The following USP39 variants were observed in gnomAD, a reference collection of about 807,000 sequenced individuals.
USP39 encodes the protein ubiquitin carboxyl-terminal hydrolase 39.
A neutral mutation model predicts 66.4 loss-of-function variants in USP39; 38 were observed. That is an observed-to-expected ratio of 0.57 (90% CI 0.44 to 0.75). The LOEUF is 0.75. USP39 is among the 30% of genes least tolerant of loss of function. The pLI, the probability that USP39 is intolerant of heterozygous loss-of-function variation, is 0.00. For missense variants in USP39, 608 were observed against 714.4 expected (o/e 0.85, Z 1.70); for synonymous variants, 303 against 274.6 (o/e 1.10, Z -1.02).
intron 9 of USP39, among the ~76,000 whole-genome samples, chr2:85,640,639 T>C (rs1054412548): frequency 6.7e-6 from 1 of 150,084 alleles, no homozygotes; most frequent in Non-Finnish European, 1.5e-5. Flanking sequence ...TCTTTTTTTT[T>C]CTTTTTCCTT....
chr2:85,623,007 AAT>A (rs1674579864), intron 3 of USP39, among the ~76,000 whole-genome samples: 1 of 152,174 alleles, frequency 6.6e-6, no homozygotes, highest in Non-Finnish European at 1.5e-5. Flanking sequence ...ACGGAGTAAA[AAT>A]AAGTGCAATA....
At chr2:85,607,696 G>A (rs1673267933), upstream of USP39, 7 of 152,206 alleles carry the variant, frequency 4.6e-5, no homozygotes, top group Admixed American at 3.9e-4. Context: ...GAAACCCCTG[G>A]GGCAAGGGCC....
chr2:85,603,595 C>CTT (rs767019412), intron 1 of USP39, among the ~76,000 whole-genome samples: 7 of 143,100 alleles, frequency 4.9e-5, no homozygotes, highest in South Asian at 2.2e-4. Context: ...TTTTCTTTTT[C>CTT]TTTTTTTTTT....
chr2:85,637,255 CTG>C (rs1022232369), intron 7 of USP39, 112 bp from the exon 8 acceptor site: 3 of 1,084,106 alleles, frequency 2.8e-6, no homozygotes, highest in Middle Eastern at 2.0e-4. Flanking sequence ...AGTGAGAGCT[CTG>C]TGTCTTTTGC....
chr2:85,639,470 T>TTC, intron 9 of USP39, 79 bp downstream of exon 9: 5 of 1,352,204 alleles, frequency 3.7e-6, no homozygotes, highest in Non-Finnish European at 5.0e-6. Flanking sequence ...TTTTTTTTTT[T>TTC]CAAGACAGAG....
chr2:85,620,926 A>G (rs1000358), intron 2 of USP39, among the ~76,000 whole-genome samples: 1,784 of 152,026 alleles, frequency 0.012, 36 homozygotes, highest in African/African-American at 0.041. Flanking sequence ...GTCTGTTTAT[A>G]GGTATTCTGA....
intron 3 of USP39, among the ~76,000 whole-genome samples, chr2:85,622,698 A>G (rs1674556965): frequency 6.6e-6 from 1 of 150,600 alleles, no homozygotes; most frequent in Non-Finnish European, 1.5e-5. Flanking sequence ...TATCATTTCA[A>G]CTCATTCACA....
At chr2:85,647,682 CAACA>C (rs981935146) in intron 11 of USP39, among the ~76,000 whole-genome samples, 1 of 148,106 alleles carries the variant, frequency 6.8e-6, no homozygotes, top group African/African-American at 2.5e-5. Flanking sequence ...AACAAAAAAA[CAACA>C]AACAAAAAAC....
intron 9 of USP39, among the ~76,000 whole-genome samples, chr2:85,640,619 ATTTTTTTTTTC>A (rs1242235113): frequency 1.6e-5 from 2 of 123,238 alleles, no homozygotes; most frequent in African/African-American, 6.2e-5. Context: ...ATATATATAT[ATTTTTTTTTTC>A]TTTTTTTTTC....
Position 85,623,799 on chromosome 2 carries a change from G to GT in USP39, c.570+19dup, listed in dbSNP as rs758728464. 1.2e-6 allele frequency: 2 copies of GT among 1,603,682 alleles called. No individual in the cohort carries two copies. Among genetic ancestry groups the GT allele is most frequent in the Non-Finnish European group, 1.7e-6 (2 of 1,175,146 alleles). ...GATATCACGGTGTGTGTCTAAGAGG[G>GT]TTGGTTTGGGGTCCATTCTTTAATG... On this transcript the variant is annotated intron_variant, in intron 4 of 12. Coordinates refer to ENST00000323701, the MANE Select transcript of USP39 (RefSeq NM_006590.4).
At position 85,616,332 on chromosome 2, in the gene USP39, G is replaced by A; in HGVS notation, c.137G>A (p.Ser46Asn). Reference sequence around the variant, plus strand: ...CCTGAGGCGGCGAGCTCCCGGGGCAGCCCTGTGCGCGTGAAGCGGGAGTTC... The same window carrying A: ...CCTGAGGCGGCGAGCTCCCGGGGCAACCCTGTGCGCGTGAAGCGGGAGTTC... The part of the protein sequence containing the change: ...REPEAASSRG[S>N]PVRVKREFEP... The change falls in exon 1 of 13, where the codon AGC (serine) becomes AAC (asparagine). Residue 46 changes from serine (S) to asparagine (N), a missense_variant. Transcript: ENST00000323701. The A allele has an allele frequency of 6.2e-7, 1 of 1,600,650 alleles. No homozygotes were observed. Among genetic ancestry groups the A allele is most frequent in the Non-Finnish European group, 8.5e-7 (1 of 1,173,750 alleles).
chr2:85,631,700 C>T (rs1675352087), intron 6 of USP39, among the ~76,000 whole-genome samples: 1 of 152,084 alleles, frequency 6.6e-6, no homozygotes, highest in African/African-American at 2.4e-5. Flanking sequence ...TTCATTCTTT[C>T]GTGTCCCACA....
intron 3 of USP39, among the ~76,000 whole-genome samples, chr2:85,622,869 C>G (rs532629930): frequency 6.6e-6 from 1 of 151,962 alleles, no homozygotes; most frequent in South Asian, 2.1e-4. Flanking sequence ...ATAGCAAGAC[C>G]CTGTCTCAAA....
In USP39 at chr2:85,625,589, G is replaced by C; in HGVS notation, c.621G>C (p.Lys207Asn). 1.9e-6 allele frequency: 3 copies of C among 1,614,148 alleles called. No homozygotes were observed. Among genetic ancestry groups the C allele is most frequent in the Non-Finnish European group, 2.5e-6 (3 of 1,179,990 alleles). ...FTKQQIANLD[K>N]QAKLSRAYDG... Reference sequence around the variant, plus strand: ...AGCAGCAAATTGCAAACTTGGACAAGCAAGCCAAATTGTCCCGGGCATATG... The same window carrying C: ...AGCAGCAAATTGCAAACTTGGACAACCAAGCCAAATTGTCCCGGGCATATG... The change falls in exon 5 of 13, where the codon AAG (lysine) becomes AAC (asparagine). Residue 207 changes from lysine to asparagine, a missense_variant. Coordinates refer to ENST00000323701, the MANE Select transcript of USP39 (RefSeq NM_006590.4).
chr2:85,632,849 G>C (rs147520256), intron 6 of USP39, among the ~76,000 whole-genome samples: 38 of 152,278 alleles, frequency 2.5e-4, no homozygotes, highest in African/African-American at 8.9e-4. Context: ...GTGGGAGGTA[G>C]ATCAGAGATC....
At chr2:85,609,031 C>A (rs1268477131), upstream of USP39, 4 of 1,614,204 alleles carry the variant, frequency 2.5e-6, no homozygotes, top group Admixed American at 5.0e-5. Context: ...GGCGTGTGTG[C>A]CGACACCTTC....
chr2:85,629,341 G>T (rs72846619), intron 5 of USP39, among the ~76,000 whole-genome samples: 1 of 150,674 alleles, frequency 6.6e-6, no homozygotes, highest in Non-Finnish European at 1.5e-5. Flanking sequence ...GATTATAGAC[G>T]TGAACCATCG....
chr2:85,626,456 AACAGGCAGAGC>A (rs1674869995), intron 5 of USP39, among the ~76,000 whole-genome samples: 2 of 152,360 alleles, frequency 1.3e-5, no homozygotes, highest in South Asian at 4.1e-4. Flanking sequence ...ATTGTTCTGC[AACAGGCAGAGC>A]ATTCCTTTGC....
chr2:85,612,007 G>A (rs1363181211), upstream of USP39: 10 of 1,476,498 alleles, frequency 6.8e-6, no homozygotes, highest in African/African-American at 2.9e-5. Flanking sequence ...ACGCAGAGTC[G>A]CCGCCGCCTC....
Sources: gnomAD v4.1 joint callset for allele counts (sites outside exome capture counted in the v4.1 genomes callset) on GRCh38, gnomAD v4.1.1 for gene constraint, MANE v1.5 for transcripts, NCBI Gene and HGNC (gene_info 2026-07-23, HGNC 2026-07-21) for gene names.